NRXN1: variants seen among roughly 807,000 people sequenced by gnomAD.
The protein encoded by NRXN1 is neurexin-1.
A neutral mutation model predicts 150.9 loss-of-function variants in NRXN1; 39 were observed. The ratio of observed to expected loss-of-function variants is 0.26; its 90% confidence interval spans 0.20 to 0.34. The LOEUF (loss-of-function observed/expected upper bound fraction) is 0.34, where lower values mean the gene tolerates loss of function less well. Among genes scored for constraint, NRXN1 ranks in the 10% least tolerant of loss-of-function variants. The probability of loss-of-function intolerance (pLI) is 1.00; values close to 1 mark genes in which losing one functional copy is unlikely to be tolerated. For missense variants in NRXN1, 1,815 were observed against 1,949.9 expected (o/e 0.93, Z 1.30); for synonymous variants, 924 against 757.0 (o/e 1.22, Z -3.62).
chr2:50,837,169 A>G (rs1672235225), intron 5 of NRXN1, among the ~76,000 whole-genome samples: 1 of 152,188 alleles, frequency 6.6e-6, no homozygotes, highest in Non-Finnish European at 1.5e-5. Context: ...TGATGAATGA[A>G]CCAATGAAAA....
At chr2:50,252,102 T>G (rs1324458341) in intron 17 of NRXN1, among the ~76,000 whole-genome samples, 1 of 151,896 alleles carries the variant, frequency 6.6e-6, no homozygotes, top group Non-Finnish European at 1.5e-5. Flanking sequence ...TCATGAAATC[T>G]TTACCTATGC....
intron 21 of NRXN1, among the ~76,000 whole-genome samples, chr2:50,022,260 G>C (rs1348088001): frequency 6.6e-6 from 1 of 152,232 alleles, no homozygotes; most frequent in East Asian, 1.9e-4. Flanking sequence ...GGGATTACAG[G>C]CATGAGCCAC....
chr2:50,837,688 G>C (rs1422548105), intron 5 of NRXN1, among the ~76,000 whole-genome samples: 20 of 152,014 alleles, frequency 1.3e-4, no homozygotes, highest in Non-Finnish European at 2.9e-4. Context: ...TATTATATGA[G>C]ATGCATACAA....
At chr2:50,102,302 C>T (rs1044372748) in intron 18 of NRXN1, among the ~76,000 whole-genome samples, 6 of 151,962 alleles carry the variant, frequency 3.9e-5, no homozygotes, top group Non-Finnish European at 8.8e-5. Context: ...TTTTGTAAAA[C>T]ACCATACCAC....
intron 5 of NRXN1, chr2:50,656,446 T>C: frequency 1.3e-6 from 1 of 758,754 alleles, no homozygotes; most frequent in Non-Finnish European, 2.4e-6. Context: ...AGTATCAAGT[T>C]TCTAGATTCT....
intron 17 of NRXN1, among the ~76,000 whole-genome samples, chr2:50,411,643 C>T (rs1004565073): frequency 2.6e-5 from 4 of 151,892 alleles, no homozygotes; most frequent in Middle Eastern, 3.2e-3. Context: ...CCGGCCGCCC[C>T]GTCTGAGAAG....
intron 12 of NRXN1, among the ~76,000 whole-genome samples, chr2:50,513,626 T>C (rs975263178): frequency 1.3e-5 from 2 of 152,164 alleles, no homozygotes; most frequent in Non-Finnish European, 2.9e-5. Flanking sequence ...AAGCCTTCTG[T>C]GCAAATATCT....
At chr2:50,453,668 G>C (rs533525195) in intron 17 of NRXN1, among the ~76,000 whole-genome samples, 14 of 152,188 alleles carry the variant, frequency 9.2e-5, no homozygotes, top group African/African-American at 3.4e-4. Context: ...AAATCACCAA[G>C]AACATTTTCA....
chr2:50,964,803 G>A (rs1485080735), intron 2 of NRXN1, among the ~76,000 whole-genome samples: 3 of 151,294 alleles, frequency 2.0e-5, no homozygotes, highest in Non-Finnish European at 3.0e-5. Flanking sequence ...AATATAGTCC[G>A]ATTCCAACTT....
At chr2:50,946,977 G>T (rs1375582078) in intron 2 of NRXN1, among the ~76,000 whole-genome samples, 1 of 152,098 alleles carries the variant, frequency 6.6e-6, no homozygotes, top group Non-Finnish European at 1.5e-5. Context: ...TCTGATTATT[G>T]GGTTTCTTCT....
At chr2:50,408,775 C>T (rs772106554) in intron 17 of NRXN1, among the ~76,000 whole-genome samples, 5 of 151,312 alleles carry the variant, frequency 3.3e-5, no homozygotes, top group Non-Finnish European at 7.4e-5. Flanking sequence ...AGTAGAAATG[C>T]TTTATGGCTC....
At chr2:50,337,372 A>C (rs1424998561) in intron 17 of NRXN1, among the ~76,000 whole-genome samples, 1 of 152,030 alleles carries the variant, frequency 6.6e-6, no homozygotes, top group Non-Finnish European at 1.5e-5. Context: ...GGCGTGAGCC[A>C]CCGCACCTGG....
chr2:50,863,600 A>G (rs913929918), intron 5 of NRXN1, among the ~76,000 whole-genome samples: 1 of 152,022 alleles, frequency 6.6e-6, no homozygotes, highest in Non-Finnish European at 1.5e-5. Context: ...ACACTTTTTG[A>G]GACTTTAATA....
chr2:50,295,461 GT>G (rs2073448561), intron 17 of NRXN1, among the ~76,000 whole-genome samples: 1 of 152,018 alleles, frequency 6.6e-6, no homozygotes, highest in South Asian at 2.1e-4. Flanking sequence ...GTAAATAATT[GT>G]TTAATATTAC....
chr2:50,879,630 G>A (rs1451523864), intron 5 of NRXN1, among the ~76,000 whole-genome samples: 1 of 151,792 alleles, frequency 6.6e-6, no homozygotes, highest in African/African-American at 2.4e-5. Context: ...GGGGTGGTGG[G>A]GGCAGCAGGT....
chr2:50,848,669 A>G (rs923258141), intron 5 of NRXN1, among the ~76,000 whole-genome samples: 1 of 152,152 alleles, frequency 6.6e-6, no homozygotes. Flanking sequence ...TTTTGCTTCA[A>G]ATTATTATAT....
At chr2:50,500,510 A>G (rs1028731792) in intron 13 of NRXN1, among the ~76,000 whole-genome samples, 6 of 152,198 alleles carry the variant, frequency 3.9e-5, no homozygotes, top group Admixed American at 1.3e-4. Flanking sequence ...AATCCTCATC[A>G]GTAATACAGC....
At chr2:50,921,419 T>C (rs1413406768) in intron 5 of NRXN1, among the ~76,000 whole-genome samples, 1 of 151,802 alleles carries the variant, frequency 6.6e-6, no homozygotes, top group African/African-American at 2.4e-5. Flanking sequence ...AAATGACACC[T>C]AGCAGACAAC....
chr2:50,598,076 T>G lies in NRXN1; in HGVS notation c.1320+21946A>C, dbSNP rs571021377. Among the ~76,000 whole-genome samples the G allele has an allele frequency of 4.3e-4, 65 of 151,190 alleles. No homozygotes were observed. In the South Asian group the frequency reaches 0.014, roughly 31 times the overall value. On this transcript the variant is annotated intron_variant, in intron 8 of 22. Coordinates refer to ENST00000401669, the MANE Select transcript of NRXN1 (RefSeq NM_001330078.2). Reference sequence around the variant, plus strand: ...ATTGCTTGAACCCGGGAGGAGGAGGTTGCAGTGAGCCAAGATGTGCCATTG... The same window carrying G: ...ATTGCTTGAACCCGGGAGGAGGAGGGTGCAGTGAGCCAAGATGTGCCATTG...
Sources: gnomAD v4.1 joint callset for allele counts (sites outside exome capture counted in the v4.1 genomes callset) on GRCh38, gnomAD v4.1.1 for gene constraint, MANE v1.5 for transcripts, NCBI Gene and HGNC (gene_info 2026-07-23, HGNC 2026-07-21) for gene names.